The following CNTN4 variants were observed in gnomAD, a reference collection of about 807,000 sequenced individuals.
CNTN4 encodes the protein contactin-4.
Under a neutral mutation model 122.5 loss-of-function variants are expected in CNTN4, and 77 were observed. That is an observed-to-expected ratio of 0.63 (90% CI 0.52 to 0.76). The LOEUF is 0.76. Among genes scored for constraint, CNTN4 ranks in the 30% least tolerant of loss-of-function variants. The pLI is 0.00. For synonymous variants in CNTN4, 512 were observed against 447.0 expected (o/e 1.15, Z -1.83); for missense variants, 1,256 against 1,259.1 (o/e 1.00, Z 0.04).
intron 23 of CNTN4, among the ~76,000 whole-genome samples, chr3:3,050,679 C>T (rs918403548): frequency 2.7e-5 from 4 of 148,184 alleles, no homozygotes; most frequent in African/African-American, 1.0e-4. Flanking sequence ...AGAAGAATTG[C>T]TTGAACCCGG....
chr3:2,951,535 C>T (rs188840620), intron 13 of CNTN4, among the ~76,000 whole-genome samples: 42 of 152,250 alleles, frequency 2.8e-4, no homozygotes, highest in African/African-American at 9.4e-4. Flanking sequence ...GGTTGGGGAC[C>T]CCTGTTCTAG....
At chr3:2,199,305 A>T (rs79828855) in intron 2 of CNTN4, among the ~76,000 whole-genome samples, 34 of 151,902 alleles carry the variant, frequency 2.2e-4, no homozygotes, top group Non-Finnish European at 4.3e-4. Flanking sequence ...CTATTCTGGC[A>T]TTTCTCACGT....
chr3:2,879,719 C>T (rs1417701875), intron 8 of CNTN4, among the ~76,000 whole-genome samples: 2 of 151,978 alleles, frequency 1.3e-5, no homozygotes, highest in African/African-American at 4.8e-5. Context: ...TGTGAATGGG[C>T]ATGAGGGATC....
chr3:2,903,997 G>A (rs887430907), intron 12 of CNTN4, among the ~76,000 whole-genome samples: 9 of 152,090 alleles, frequency 5.9e-5, no homozygotes, highest in African/African-American at 2.2e-4. Flanking sequence ...AAACATAGTT[G>A]AGTGAAAAGA....
At position 2,968,954 on chromosome 3, in the gene CNTN4, G is replaced by A. The variant is rs575851309; in HGVS notation, c.1359-19391G>A. On this transcript the variant is annotated intron_variant, in intron 13 of 24. Coordinates refer to ENST00000418658, the MANE Select transcript of CNTN4 (RefSeq NM_175607.3). The stretch of plus-strand genomic sequence containing the variant: ...AATCCAACCCAAACTGGCTTATGAG[G>A]CATTTTTGACAACTTTATTGAAGTA... 6.2e-4 allele frequency among the ~76,000 whole-genome samples: 94 copies of A among 152,194 alleles called. 1 individual carries two copies. The highest frequency in any genetic ancestry group is 1.0e-3 in the South Asian group (5 of 4,826).
At chr3:2,506,206 C>A (rs1157884284) in intron 3 of CNTN4, among the ~76,000 whole-genome samples, 1 of 152,102 alleles carries the variant, frequency 6.6e-6, no homozygotes, top group East Asian at 1.9e-4. Flanking sequence ...ATGTAAAAGC[C>A]TAAAGAAGGC....
intron 12 of CNTN4, among the ~76,000 whole-genome samples, chr3:2,911,827 G>C (rs1251134666): frequency 6.6e-6 from 1 of 152,050 alleles, no homozygotes; most frequent in African/African-American, 2.4e-5. Flanking sequence ...TCAACAACAG[G>C]CTTGACCAGA....
chr3:2,234,541 G>T (rs2039611920), intron 2 of CNTN4, among the ~76,000 whole-genome samples: 1 of 152,070 alleles, frequency 6.6e-6, no homozygotes, highest in African/African-American at 2.4e-5. Flanking sequence ...GGGGATTTAT[G>T]CTGCTGATTC....
intron 3 of CNTN4, among the ~76,000 whole-genome samples, chr3:2,352,670 C>T (rs1456551907): frequency 1.3e-5 from 2 of 152,206 alleles, no homozygotes; most frequent in Non-Finnish European, 2.9e-5. Context: ...CCCGAGCTCC[C>T]CCACGGTGGG....
chr3:2,136,496 T>C (rs1179174954), intron 2 of CNTN4, among the ~76,000 whole-genome samples: 1 of 152,214 alleles, frequency 6.6e-6, no homozygotes, highest in Non-Finnish European at 1.5e-5. Context: ...TGTGTATATA[T>C]TGGTGATATT....
intron 4 of CNTN4, among the ~76,000 whole-genome samples, chr3:2,593,126 A>G (rs780351826): frequency 1.1e-4 from 17 of 152,190 alleles, no homozygotes; most frequent in Admixed American, 3.9e-4. Flanking sequence ...CACAGATAAA[A>G]AGACCAGATA....
intron 14 of CNTN4, among the ~76,000 whole-genome samples, chr3:3,017,466 A>G (rs1477979074): frequency 2.0e-5 from 3 of 152,238 alleles, no homozygotes; most frequent in African/African-American, 7.2e-5. Flanking sequence ...TTATTTCATC[A>G]GGATATTTCG....
Position 2,759,212 on chromosome 3 carries a change from A to G in CNTN4, c.358+13515A>G, listed in dbSNP as rs1334152035. Among the ~76,000 whole-genome samples the G allele has an allele frequency of 6.6e-5, 10 of 152,040 alleles. No individual in the cohort carries two copies. In the East Asian group the frequency reaches 9.7e-4, roughly 15 times the overall value. ...CTCTTGTTGCCCAGGCTGGATTGCA[A>G]TGGTGCGATCTCAGCTCACTGCAAC... On this transcript the variant is annotated intron_variant, in intron 6 of 24. Transcript: ENST00000418658.
chr3:2,411,033 A>G (rs1366176556), intron 3 of CNTN4, among the ~76,000 whole-genome samples: 1 of 152,234 alleles, frequency 6.6e-6, no homozygotes, highest in Non-Finnish European at 1.5e-5. Flanking sequence ...CTTTACATAT[A>G]AAAAGATGGT....
intron 2 of CNTN4, among the ~76,000 whole-genome samples, chr3:2,216,676 G>T (rs1372092755): frequency 1.3e-5 from 2 of 152,130 alleles, no homozygotes; most frequent in Admixed American, 1.3e-4. Context: ...TTCATAGTGT[G>T]TGTTACTTTT....
At chr3:2,221,634 T>G (rs1666354) in intron 2 of CNTN4, among the ~76,000 whole-genome samples, 45,533 of 151,880 alleles carry the variant, frequency 0.3, 7,215 homozygotes, top group African/African-American at 0.36. Context: ...GAAAATACTT[T>G]TACATATATA....
chr3:3,048,147 C>G (rs1046949459), intron 23 of CNTN4, among the ~76,000 whole-genome samples: 1 of 152,016 alleles, frequency 6.6e-6, no homozygotes, highest in Admixed American at 6.6e-5. Flanking sequence ...GCTACATATA[C>G]ATGTGAATGT....
intron 3 of CNTN4, among the ~76,000 whole-genome samples, chr3:2,472,242 T>C (rs1266783393): frequency 6.6e-6 from 1 of 151,964 alleles, no homozygotes. Context: ...TTGTTGTTTG[T>C]TCATTCATTT....
intron 3 of CNTN4, among the ~76,000 whole-genome samples, chr3:2,456,893 G>T (rs1280681415): frequency 6.6e-6 from 1 of 151,994 alleles, no homozygotes; most frequent in African/African-American, 2.4e-5. Context: ...TCTGTTTTTG[G>T]CATTTACTTT....
Sources: allele counts gnomAD v4.1 joint callset (sites outside exome capture counted in the v4.1 genomes callset), GRCh38; gene constraint gnomAD v4.1.1; transcripts MANE v1.5; gene names NCBI Gene and HGNC (gene_info 2026-07-23, HGNC 2026-07-21).